Variants in MTMR8 observed in about 807,000 individuals in gnomAD.
The protein encoded by MTMR8 is phosphatidylinositol-3,5-bisphosphate 3-phosphatase MTMR8.
Under a neutral mutation model 39.3 loss-of-function variants are expected in MTMR8, and 65 were observed. The ratio of observed to expected loss-of-function variants is 1.65; its 90% CI spans 1.35 to 2.03. MTMR8 has a LOEUF of 2.03. Among genes scored for constraint, MTMR8 ranks in the 30% most tolerant of loss-of-function variants. MTMR8 has a pLI of 0.00. For missense variants in MTMR8, 777 were observed against 538.9 expected, an observed-to-expected ratio of 1.44 and a Z score of -4.37; for synonymous variants, 245 against 185.2, an observed-to-expected ratio of 1.32 and a Z score of -2.62.
chrX:64,301,973 G>T (rs923037973), intron 12 of MTMR8, among the ~76,000 whole-genome samples: 9 of 112,180 alleles, frequency 8.0e-5, no homozygotes, highest in Non-Finnish European at 1.9e-5. Flanking sequence ...CTTCAAAGCT[G>T]TCAGACAGGG....
At chrX:64,292,445 C>T (rs1420046269) in intron 12 of MTMR8, among the ~76,000 whole-genome samples, 2 of 110,856 alleles carry the variant, frequency 1.8e-5, no homozygotes, top group Non-Finnish European at 3.8e-5. Flanking sequence ...TTGCTTTTCA[C>T]CAGGGTTTGC....
chrX:64,280,026 T>A (rs1366341389), intron 12 of MTMR8, among the ~76,000 whole-genome samples: 1 of 111,689 alleles, frequency 9.0e-6, no homozygotes, highest in African/African-American at 3.2e-5. Flanking sequence ...AATAGACAAA[T>A]AACAAGTTCT....
At chrX:64,320,390 G>A (rs139064649) in intron 12 of MTMR8, among the ~76,000 whole-genome samples, 1,461 of 110,368 alleles carry the variant, frequency 0.013, 10 homozygotes, top group Non-Finnish European at 0.023. Context: ...GATGTGGCTC[G>A]CTGCTGCAAG....
chrX:64,274,347 C>A (rs892061963), intron 12 of MTMR8, among the ~76,000 whole-genome samples: 2 of 112,018 alleles, frequency 1.8e-5, no homozygotes, highest in Non-Finnish European at 1.9e-5. Flanking sequence ...AACTTAAACA[C>A]TCTTAAACAA....
At chrX:64,276,666 CT>C (rs1280120440) in intron 12 of MTMR8, among the ~76,000 whole-genome samples, 1 of 111,415 alleles carries the variant, frequency 9.0e-6, no homozygotes, top group Admixed American at 9.6e-5. Context: ...GATTTCCATT[CT>C]TTTGTATTTG....
chrX:64,286,437 A>C (rs1345366430), intron 12 of MTMR8, among the ~76,000 whole-genome samples: 2 of 112,274 alleles, frequency 1.8e-5, no homozygotes, highest in Non-Finnish European at 3.8e-5. Flanking sequence ...ACAGAAAAAG[A>C]GGGAATGCTC....
At chrX:64,351,120 C>T (rs1326354651) in intron 4 of MTMR8, among the ~76,000 whole-genome samples, 1 of 111,003 alleles carries the variant, frequency 9.0e-6, no homozygotes, top group African/African-American at 3.3e-5. Flanking sequence ...ATGGAGCTCC[C>T]CATTCAGCTT....
chrX:64,336,431 T>C (rs1276388514), intron 9 of MTMR8, among the ~76,000 whole-genome samples: 2 of 109,629 alleles, frequency 1.8e-5, no homozygotes. Flanking sequence ...ATTCACACTT[T>C]GAAAAACAGA....
intron 1 of MTMR8, among the ~76,000 whole-genome samples, chrX:64,366,051 A>T (rs1285168901): frequency 2.7e-5 from 3 of 111,512 alleles, no homozygotes; most frequent in African/African-American, 9.9e-5. Flanking sequence ...ATTCAACAAG[A>T]AGAACTATCT....
chrX:64,374,662 C>T (rs1262007820), intron 1 of MTMR8, among the ~76,000 whole-genome samples: 1 of 111,346 alleles, frequency 9.0e-6, no homozygotes, highest in East Asian at 2.8e-4. Context: ...TGAATGGCAG[C>T]CTCCTGAAAG....
chrX:64,290,229 G>T (rs1319053580), intron 12 of MTMR8, among the ~76,000 whole-genome samples: 3 of 109,873 alleles, frequency 2.7e-5, no homozygotes, highest in Non-Finnish European at 5.7e-5. Flanking sequence ...TGGTCAAAAA[G>T]GTAAATTTTA....
chrX:64,394,271 G>A lies in MTMR8; in HGVS notation c.24+1069C>T, dbSNP rs146317896. ...CCCTCCCACAACACGTGAGAATTAC[G>A]GAAGCTACAAGAGGAGATTTGGGTG... is the stretch of plus-strand genomic sequence containing the variant. On this transcript the variant is annotated intron_variant, in intron 1 of 13. Transcript: ENST00000374852. Among the ~76,000 whole-genome samples, 445 of 111,867 alleles carry A rather than the reference G, an allele frequency of 4.0e-3. 1 individual carries two copies. The highest frequency in any genetic ancestry group is 0.014 in the African/African-American group (423 of 30,757).
chrX:64,284,022 C>T (rs917308168), intron 12 of MTMR8, among the ~76,000 whole-genome samples: 2 of 111,914 alleles, frequency 1.8e-5, no homozygotes, highest in Admixed American at 9.5e-5. Flanking sequence ...GATCAAACTA[C>T]TACCAGCTAA....
chrX:64,327,451 G>A (rs192684066), intron 12 of MTMR8, among the ~76,000 whole-genome samples: 13 of 111,786 alleles, frequency 1.2e-4, no homozygotes, highest in South Asian at 1.1e-3. Flanking sequence ...CAATCATCAC[G>A]AAAATGCAAA....
At chrX:64,315,224 A>G (rs1922431560) in intron 12 of MTMR8, among the ~76,000 whole-genome samples, 1 of 111,985 alleles carries the variant, frequency 8.9e-6, no homozygotes, top group South Asian at 3.7e-4. Context: ...AGGATTCCAG[A>G]GGCCCATGGC....
rs756406629 is a variant in MTMR8, at chrX:64,354,947, G to T, written c.311-13C>A. On this transcript the variant is annotated splice_polypyrimidine_tract_variant and intron_variant, in intron 3 of 13. Transcript: ENST00000374852. ...TCTTCAGGTAATGCTGGAGAAGAGA[G>T]ATAGGCATGGAAAACAAAATGATGA... is the stretch of plus-strand genomic sequence containing the variant. 2.3e-5 allele frequency: 26 copies of T among 1,155,338 alleles called. No individual in the cohort carries two copies. The South Asian group carries it at 4.7e-4, about 21-fold the overall frequency.
At chrX:64,362,471 GAAAA>G (rs760545171) in intron 1 of MTMR8, among the ~76,000 whole-genome samples, 1 of 5,498 alleles carries the variant, frequency 1.8e-4, no homozygotes, top group African/African-American at 5.7e-4. Flanking sequence ...TACTATTGCA[GAAAA>G]AAAAAAAAAA....
In MTMR8 at chrX:64,325,393, C is replaced by A. The variant is rs187584016; in HGVS notation, c.1481+3379G>T. On this transcript the variant is annotated intron_variant, in intron 12 of 13. Coordinates refer to ENST00000374852, the MANE Select transcript of MTMR8 (RefSeq NM_017677.4). The stretch of plus-strand genomic sequence containing the variant: ...TGAACACAAATGCAAAAATCATCAA[C>A]AAAATACTAGCAAACAGAATTCAAT... 9.6e-3 allele frequency among the ~76,000 whole-genome samples: 1,073 copies of A among 111,498 alleles called. 16 individuals carry two copies. The highest frequency in any genetic ancestry group is 0.031 in the African/African-American group (965 of 30,720).
intron 8 of MTMR8, among the ~76,000 whole-genome samples, chrX:64,338,078 T>C (rs1923122122): frequency 8.9e-6 from 1 of 111,786 alleles, no homozygotes; most frequent in Admixed American, 9.6e-5. Context: ...TAAAATACAA[T>C]GGAAAAACTA....
Sources: allele counts gnomAD v4.1 joint callset (sites outside exome capture counted in the v4.1 genomes callset), GRCh38; gene constraint gnomAD v4.1.1; transcripts MANE v1.5; gene names NCBI Gene and HGNC (gene_info 2026-07-23, HGNC 2026-07-21).